SMAGP: variants seen among roughly 807,000 people sequenced by gnomAD.
SMAGP encodes small cell transmembrane and glycosylated protein.
Under a neutral mutation model 10.1 loss-of-function variants are expected in SMAGP, and 7 were observed. The observed-to-expected ratio is 0.70, with a 90% CI of 0.40 to 1.31. SMAGP has a LOEUF of 1.31. Among genes scored for constraint, SMAGP ranks in the 50% most tolerant of loss-of-function variants. The pLI is 0.01. For missense variants in SMAGP, 113 were observed against 116.5 expected (o/e 0.97, Z 0.14); for synonymous variants, 49 against 47.2 (o/e 1.04, Z -0.16).
intron 2 of SMAGP, among the ~76,000 whole-genome samples, chr12:51,257,208 A>C (rs1205552940): frequency 6.6e-6 from 1 of 152,196 alleles, no homozygotes; most frequent in Admixed American, 6.6e-5. Context: ...CCCAGATGAG[A>C]GGCACAATTG....
At chr12:51,259,139 A>G (rs1944911607) in intron 2 of SMAGP, among the ~76,000 whole-genome samples, 1 of 152,198 alleles carries the variant, frequency 6.6e-6, no homozygotes, top group Non-Finnish European at 1.5e-5. Flanking sequence ...GTCTCAAAAA[A>G]TATATATTGA....
At chr12:51,247,552 A>C (rs1369004876) in intron 2 of SMAGP, among the ~76,000 whole-genome samples, 2 of 152,200 alleles carry the variant, frequency 1.3e-5, no homozygotes, top group Non-Finnish European at 2.9e-5. Context: ...GGGACAGAAC[A>C]TGACAAAATG....
chr12:51,259,196 T>C lies in SMAGP; in HGVS notation c.34+10049A>G, dbSNP rs562524773. Among the ~76,000 whole-genome samples the C allele has an allele frequency of 1.5e-3, 224 of 152,296 alleles. 1 individual carries two copies. The highest frequency in any genetic ancestry group is 3.0e-3 in the Admixed American group (46 of 15,284). ...ATATACATACATATTTTTGGTCTTA[T>C]GCTTTATTGGTGCCTTCTACAAAGG... On this transcript the variant is annotated intron_variant, in intron 2 of 3. Transcript: ENST00000603798.
chr12:51,248,434 A>ACACACACACTCTCACTCTCTCTCTCT (rs1188710796), intron 2 of SMAGP, among the ~76,000 whole-genome samples: 4 of 77,564 alleles, frequency 5.2e-5, no homozygotes, highest in African/African-American at 2.0e-4. Context: ...ACACACACAC[A>ACACACACACTCTCACTCTCTCTCTCT]CTCTCTCTCT....
intron 2 of SMAGP, among the ~76,000 whole-genome samples, chr12:51,260,735 G>C (rs1944925639): frequency 7.2e-6 from 1 of 139,438 alleles, no homozygotes; most frequent in African/African-American, 2.7e-5. Context: ...GCCCAGGCTG[G>C]AGTGCAGCGG....
rs922844225 is a variant in SMAGP at position 51,255,120 on chromosome 12, C to T, written c.35-8289G>A. Among the ~76,000 whole-genome samples, 9 of 152,198 alleles carry T rather than the reference C, an allele frequency of 5.9e-5. No homozygotes were observed. In the South Asian group the frequency reaches 1.0e-3, roughly 17 times the overall value. Reference sequence around the variant, plus strand: ...GTATGATCATGGCTCACTGCAGCCTCCACCTCCCAGGCTCAAGCGATCCTC... The same window carrying T: ...GTATGATCATGGCTCACTGCAGCCTTCACCTCCCAGGCTCAAGCGATCCTC... On this transcript the variant is annotated intron_variant, in intron 2 of 3. Transcript: ENST00000603798.
intron 2 of SMAGP, 43 bp downstream of exon 2, chr12:51,269,202 G>T: frequency 6.2e-7 from 1 of 1,611,022 alleles, no homozygotes; most frequent in South Asian, 1.1e-5. Flanking sequence ...AGGGGATGTT[G>T]AACAATTCTT....
In SMAGP at chr12:51,245,112, C is replaced by G. The variant is rs1944749483; in HGVS notation, c.*829G>C. The G allele has an allele frequency of 6.6e-6, 1 of 152,188 alleles. No homozygotes were observed. Among genetic ancestry groups the G allele is most frequent in the South Asian group, 2.1e-4 (1 of 4,834 alleles). The allele number at this position is 152,188 out of a possible 1,614,324, so 9.4% of individuals were successfully genotyped here. A position where few individuals can be genotyped will look rare whatever the true frequency, so the allele number is the denominator to read the frequency against. On this transcript the variant is annotated 3_prime_UTR_variant, in exon 4 of 4. Transcript: ENST00000603798. Reference sequence around the variant, plus strand: ...AAAGTGCTGGGATCACAGGCGTGAGCCACCGAACCCGGCCCTCCCAGGGTA... The same window carrying G: ...AAAGTGCTGGGATCACAGGCGTGAGGCACCGAACCCGGCCCTCCCAGGGTA...
chr12:51,246,191 GATTT>G, intron 3 of SMAGP, 72 bp from the exon 4 acceptor site: 1 of 1,558,798 alleles, frequency 6.4e-7, no homozygotes, highest in Non-Finnish European at 8.7e-7. Flanking sequence ...GGAGTCATCT[GATTT>G]AGTCACTGTT....
chr12:51,260,499 C>T (rs1592236075), intron 2 of SMAGP, among the ~76,000 whole-genome samples: 1 of 151,852 alleles, frequency 6.6e-6, no homozygotes. Flanking sequence ...GCCTCAGCCT[C>T]CTGAGTAGTT....
intron 2 of SMAGP, among the ~76,000 whole-genome samples, chr12:51,258,386 G>A (rs886365099): frequency 1.3e-5 from 2 of 152,028 alleles, no homozygotes; most frequent in Non-Finnish European, 2.9e-5. Context: ...GAGGTTGGGA[G>A]TTCAAGACCA....
chr12:51,261,298 T>C (rs980995789), intron 2 of SMAGP, among the ~76,000 whole-genome samples: 1 of 152,008 alleles, frequency 6.6e-6, no homozygotes, highest in Non-Finnish European at 1.5e-5. Context: ...GGTTTCACCA[T>C]GTTGGCCAGG....
chr12:51,253,340 T>C (rs1944857775), intron 2 of SMAGP, among the ~76,000 whole-genome samples: 1 of 152,132 alleles, frequency 6.6e-6, no homozygotes, highest in South Asian at 2.1e-4. Context: ...GCAAAAACCC[T>C]TACCTTTAAA....
chr12:51,266,933 T>C (rs758362391), intron 2 of SMAGP, among the ~76,000 whole-genome samples: 8 of 152,142 alleles, frequency 5.3e-5, no homozygotes, highest in Non-Finnish European at 8.8e-5. Flanking sequence ...CTGGCCAACA[T>C]GGCGAAACCC....
intron 2 of SMAGP, among the ~76,000 whole-genome samples, chr12:51,265,112 T>C (rs1944963539): frequency 1.3e-5 from 2 of 152,118 alleles, no homozygotes; most frequent in Non-Finnish European, 2.9e-5. Context: ...AATAAGTACA[T>C]GAAAAGATGC....
intron 2 of SMAGP, among the ~76,000 whole-genome samples, chr12:51,259,796 C>T (rs945828552): frequency 1.3e-5 from 2 of 151,588 alleles, no homozygotes; most frequent in Non-Finnish European, 2.9e-5. Context: ...TCACTGTAAC[C>T]TTGAACTCCT....
At chr12:51,253,128 T>TG (rs1303027346) in intron 2 of SMAGP, among the ~76,000 whole-genome samples, 7 of 152,032 alleles carry the variant, frequency 4.6e-5, no homozygotes, top group African/African-American at 1.7e-4. Context: ...ACGGCCTGTT[T>TG]GGGGGGCTTT....
chr12:51,261,644 G>C (rs1405037572), intron 2 of SMAGP, among the ~76,000 whole-genome samples: 2 of 152,148 alleles, frequency 1.3e-5, no homozygotes, highest in Non-Finnish European at 2.9e-5. Context: ...AGAATGGTTA[G>C]TTGAACTAGC....
intron 2 of SMAGP, among the ~76,000 whole-genome samples, chr12:51,252,685 C>CCCCCCCCCG (rs1565657823): frequency 6.6e-6 from 1 of 151,620 alleles, no homozygotes; most frequent in South Asian, 2.1e-4. Flanking sequence ...GCCACATCGC[C>CCCCCCCCCG]CCCCGAAGGA....
Sources: allele counts gnomAD v4.1 joint callset (sites outside exome capture counted in the v4.1 genomes callset), GRCh38; gene constraint gnomAD v4.1.1; transcripts MANE v1.5; gene names NCBI Gene and HGNC (gene_info 2026-07-23, HGNC 2026-07-21).